The following PAPPA2 variants were observed in gnomAD, a reference collection of about 807,000 sequenced individuals.
PAPPA2 encodes pappalysin 2, also known as pappalysin-2.
PAPPA2 carries 86 observed loss-of-function variants against 176.4 expected under a neutral mutation model. The observed-to-expected ratio is 0.49, with a 90% CI of 0.41 to 0.58. PAPPA2 has a LOEUF of 0.58. PAPPA2 is among the 20% of genes least tolerant of loss of function. The pLI is 0.00. For missense variants in PAPPA2, 2,073 were observed against 2,256.9 expected, an observed-to-expected ratio of 0.92 and a Z score of 1.65; for synonymous variants, 809 against 852.2, an observed-to-expected ratio of 0.95 and a Z score of 0.88.
intron 21 of PAPPA2, among the ~76,000 whole-genome samples, chr1:176,802,092 A>T (rs1324233361): frequency 6.6e-6 from 1 of 152,074 alleles, no homozygotes; most frequent in Non-Finnish European, 1.5e-5. Flanking sequence ...CCGAATACCT[A>T]CTCGATCAGA....
chr1:176,709,892 G>A, intron 10 of PAPPA2, 91 bp from the exon 11 acceptor site: 1 of 1,194,926 alleles, frequency 8.4e-7, no homozygotes, highest in Non-Finnish European at 1.2e-6. Context: ...TCAGTGGGCT[G>A]GAGAAGAAGT....
chr1:176,737,945 T>C (rs1021835093), intron 12 of PAPPA2, among the ~76,000 whole-genome samples: 3 of 152,102 alleles, frequency 2.0e-5, no homozygotes, highest in Non-Finnish European at 4.4e-5. Flanking sequence ...TGAGTCCTAA[T>C]GGGGTAAAGC....
At chr1:176,651,571 A>T (rs767803606) in intron 3 of PAPPA2, among the ~76,000 whole-genome samples, 53 of 151,508 alleles carry the variant, frequency 3.5e-4, no homozygotes, top group Non-Finnish European at 2.8e-4. Context: ...TGAGAATTTG[A>T]TTATTATATG....
intron 3 of PAPPA2, chr1:176,616,534 G>A (rs1655268926): frequency 7.7e-7 from 1 of 1,295,656 alleles, no homozygotes; most frequent in East Asian, 2.5e-5. Flanking sequence ...TTTACAAAAT[G>A]TAACCAATCA....
Position 176,770,969 on chromosome 1 carries a change from C to T in PAPPA2, c.4504C>T (p.Leu1502=). ...SCVPPAKLQG[L]SPWLTCLEDG... ...GTGCTTCTCTTTCCTGGAGTCAGGA[C>T]TGAGCCCATGGCTGACATGTCTTGA... The change falls in exon 17 of 23, where the codon CTG becomes TTG. Residue 1502 remains leucine, a splice_region_variant and synonymous_variant. Coordinates refer to ENST00000367662, the MANE Select transcript of PAPPA2 (RefSeq NM_020318.3). The T allele has an allele frequency of 6.2e-7, 1 of 1,613,816 alleles. No homozygotes were observed. The highest frequency in any genetic ancestry group is 1.3e-5 in the African/African-American group (1 of 75,040).
chr1:176,704,087 C>T (rs2102824935), intron 9 of PAPPA2, among the ~76,000 whole-genome samples: 1 of 152,250 alleles, frequency 6.6e-6, no homozygotes, highest in Non-Finnish European at 1.5e-5. Context: ...TGATGGTGGC[C>T]ACCCTGCAGC....
intron 12 of PAPPA2, among the ~76,000 whole-genome samples, chr1:176,737,032 A>T (rs543996379): frequency 1.3e-5 from 2 of 151,594 alleles, no homozygotes; most frequent in African/African-American, 2.4e-5. Context: ...TTAAATTTTT[A>T]TTTTTTTTAC....
chr1:176,688,063 A>G (rs1347629462), intron 4 of PAPPA2, among the ~76,000 whole-genome samples: 1 of 152,230 alleles, frequency 6.6e-6, no homozygotes, highest in African/African-American at 2.4e-5. Context: ...AAAAAAACTA[A>G]TCAATTTAGA....
intron 3 of PAPPA2, among the ~76,000 whole-genome samples, chr1:176,659,433 T>C (rs1192003975): frequency 1.3e-5 from 2 of 152,058 alleles, no homozygotes; most frequent in East Asian, 3.9e-4. Flanking sequence ...CCAAATTTCC[T>C]TTTAGAAGGA....
chr1:176,531,595 T>C (rs917513776), intron 1 of PAPPA2, among the ~76,000 whole-genome samples: 1 of 152,182 alleles, frequency 6.6e-6, no homozygotes, highest in Non-Finnish European at 1.5e-5. Context: ...CTGTTCCACC[T>C]TCATGAAGAA....
intron 3 of PAPPA2, among the ~76,000 whole-genome samples, chr1:176,657,509 C>T (rs1373998491): frequency 6.6e-6 from 1 of 151,922 alleles, no homozygotes; most frequent in Non-Finnish European, 1.5e-5. Flanking sequence ...GAGTGCAAAA[C>T]ACGGAACAGA....
intron 21 of PAPPA2, among the ~76,000 whole-genome samples, chr1:176,812,770 C>CT (rs998141583): frequency 5.4e-5 from 8 of 149,238 alleles, no homozygotes; most frequent in South Asian, 4.3e-4. Context: ...TTTCTTACAC[C>CT]TTTTTTTTTT....
At chr1:176,809,845 C>G (rs979943368) in intron 21 of PAPPA2, among the ~76,000 whole-genome samples, 2 of 151,954 alleles carry the variant, frequency 1.3e-5, no homozygotes, top group African/African-American at 2.4e-5. Flanking sequence ...AGACATTGCC[C>G]GAGGAATAGT....
At chr1:176,558,099 C>G (rs967882943) in intron 2 of PAPPA2, among the ~76,000 whole-genome samples, 2 of 152,120 alleles carry the variant, frequency 1.3e-5, no homozygotes, top group Admixed American at 1.3e-4. Context: ...TGGAATGAAG[C>G]AAGGGGTCAT....
At chr1:176,744,368 C>T (rs1425596066) in intron 14 of PAPPA2, among the ~76,000 whole-genome samples, 1 of 152,182 alleles carries the variant, frequency 6.6e-6, no homozygotes, top group African/African-American at 2.4e-5. Context: ...AGCTTCACTG[C>T]ACTGTTTACA....
intron 1 of PAPPA2, among the ~76,000 whole-genome samples, chr1:176,551,077 G>T (rs1228181625): frequency 6.6e-6 from 1 of 152,132 alleles, no homozygotes; most frequent in Non-Finnish European, 1.5e-5. Context: ...CTTAGTGCTT[G>T]TTCCCTTACC....
chr1:176,632,110 G>C (rs1656370905), intron 3 of PAPPA2, among the ~76,000 whole-genome samples: 1 of 152,124 alleles, frequency 6.6e-6, no homozygotes, highest in Non-Finnish European at 1.5e-5. Flanking sequence ...AGATGGTTTA[G>C]GAAGACAGTG....
In PAPPA2 at chr1:176,554,953, G is replaced by C. The variant is rs1651178520; in HGVS notation, c.-916-454G>C. ...GTTAGTGTGGGCTTATTAGGCAGTA[G>C]GTAGATCTGTTCACAGTAAGTGTGT... On this transcript the variant is annotated intron_variant, in intron 1 of 22. Coordinates refer to ENST00000367662, the MANE Select transcript of PAPPA2 (RefSeq NM_020318.3). Among the ~76,000 whole-genome samples, 4 of 151,420 alleles carry C rather than the reference G, an allele frequency of 2.6e-5. No individual in the cohort carries two copies. The South Asian group carries it at 8.4e-4, about 32-fold the overall frequency.
At chr1:176,824,307 G>T (rs1170416982) in intron 21 of PAPPA2, among the ~76,000 whole-genome samples, 1 of 152,206 alleles carries the variant, frequency 6.6e-6, no homozygotes, top group African/African-American at 2.4e-5. Context: ...CCAGCTTCTA[G>T]TTGGCAGGGG....
Sources: allele counts gnomAD v4.1 joint callset (sites outside exome capture counted in the v4.1 genomes callset), GRCh38; gene constraint gnomAD v4.1.1; transcripts MANE v1.5; gene names NCBI Gene and HGNC (gene_info 2026-07-23, HGNC 2026-07-21).